Variants in ZNF766 observed in about 807,000 individuals in gnomAD.
ZNF766 encodes the protein zinc finger protein 766.
ZNF766 carries 13 observed loss-of-function variants against 13.2 expected under a neutral mutation model. That is an observed-to-expected ratio of 0.98 (90% CI 0.64 to 1.56). The LOEUF (loss-of-function observed/expected upper bound fraction) is 1.56, where lower values mean the gene tolerates loss of function less well. Ranked by LOEUF, ZNF766 falls within the 40% of genes most tolerant of loss-of-function variation. The pLI is 0.00. For synonymous variants in ZNF766, 178 were observed against 187.6 expected (o/e 0.95, Z 0.42); for missense variants, 521 against 552.2 (o/e 0.94, Z 0.57).
intron 1 of ZNF766, chr19:52,277,303 C>CA (rs1435385780): frequency 4.1e-6 from 4 of 964,886 alleles, no homozygotes; most frequent in Non-Finnish European, 5.8e-6. Flanking sequence ...ACTACGAATA[C>CA]AAAAAATTAC....
intron 1 of ZNF766, among the ~76,000 whole-genome samples, chr19:52,276,509 GT>G (rs976932930): frequency 2.0e-5 from 3 of 151,932 alleles, no homozygotes; most frequent in African/African-American, 7.3e-5. Flanking sequence ...GTTTTGTTTT[GT>G]TTTGTTTTTA....
Position 52,290,148 on chromosome 19 carries a change from A to G in ZNF766, c.357A>G (p.Pro119=), listed in dbSNP as rs761187196. Residue 119 remains proline, a synonymous_variant, in exon 4 of 4, where the codon CCA becomes CCG. Transcript: ENST00000439461. ...QLGLTFQLPL[P]ELEIFQGEGK... is the part of the protein sequence containing the mutation. ...GATTAACCTTTCAGTTACCTCTGCC[A>G]GAACTGGAGATATTTCAAGGTGAAG... 140 of 1,614,042 alleles carry G rather than the reference A, an allele frequency of 8.7e-5. No individual in the cohort carries two copies. The highest frequency in any genetic ancestry group is 1.7e-4 in the Admixed American group (10 of 60,004).
intron 2 of ZNF766, 192 bp downstream of exon 2, chr19:52,282,429 A>T: frequency 2.1e-6 from 1 of 484,450 alleles, no homozygotes; most frequent in Non-Finnish European, 3.5e-6. Flanking sequence ...TGAGGTCAGG[A>T]GTTCGAGACC....
Position 52,291,139 on chromosome 19 carries a change from C to T in ZNF766, c.1348C>T (p.His450Tyr). Reference sequence around the variant, plus strand: ...CCATGTGTGTGGTAAGGTCTTTAGGCACAGTTCATGGTTTGTACAGCATCA... The same window carrying T: ...CCATGTGTGTGGTAAGGTCTTTAGGTACAGTTCATGGTTTGTACAGCATCA... ...KCHVCGKVFR[H>Y]SSWFVQHQRS... The change falls in exon 4 of 4, where the codon CAC (histidine) becomes TAC (tyrosine). Residue 450 changes from histidine to tyrosine, a missense_variant. His to Tyr is a moderately conservative substitution (Grantham distance 83). Coordinates refer to ENST00000439461, the MANE Select transcript of ZNF766 (RefSeq NM_001010851.3). 6.2e-7 allele frequency: 1 copy of T among 1,612,278 alleles called. No homozygotes were observed. Among genetic ancestry groups the T allele is most frequent in the South Asian group, 1.1e-5 (1 of 90,788 alleles).
rs549674460 is a variant in ZNF766 at position 52,287,564 on chromosome 19, C to T, written c.275-2502C>T. 1.9e-3 allele frequency among the ~76,000 whole-genome samples: 286 copies of T among 152,312 alleles called. 2 individuals carry two copies. The highest frequency in any genetic ancestry group is 6.8e-3 in the Admixed American group (104 of 15,294). Reference sequence around the variant, plus strand: ...CAGATTTTGAGGATTGGTGTTAAATCTTTTTTCAATATTTGATAGAATTTT... The same window carrying T: ...CAGATTTTGAGGATTGGTGTTAAATTTTTTTTCAATATTTGATAGAATTTT... On this transcript the variant is annotated intron_variant, in intron 3 of 3. Coordinates refer to ENST00000439461, the MANE Select transcript of ZNF766 (RefSeq NM_001010851.3).
intron 1 of ZNF766, among the ~76,000 whole-genome samples, chr19:52,278,061 C>G (rs1981302319): frequency 6.6e-6 from 1 of 151,074 alleles, no homozygotes; most frequent in African/African-American, 2.4e-5. Context: ...CAACCTCTAC[C>G]TCCCAGGCTC....
rs1471081989 is a variant in ZNF766 at position 52,294,411 on chromosome 19, T to A, written c.*3213T>A. On this transcript the variant is annotated 3_prime_UTR_variant, in exon 4 of 4. Transcript: ENST00000439461. ...AGTTTGGTTTGGGTATTGAGAATGA[T>A]GATGCCATTCACTAATGTGATCTCA... 2 of 152,354 alleles carry A rather than the reference T, an allele frequency of 1.3e-5. No homozygotes were observed. The highest frequency in any genetic ancestry group is 3.4e-3 in the Middle Eastern group (1 of 294). The allele number at this position is 152,354 out of a possible 1,614,324, so 9.4% of individuals were successfully genotyped here. A position where few individuals can be genotyped will look rare whatever the true frequency, so the allele number is the denominator to read the frequency against.
chr19:52,288,216 T>G (rs980888913), intron 3 of ZNF766: 2 of 246,142 alleles, frequency 8.1e-6, no homozygotes, highest in African/African-American at 4.8e-5. Flanking sequence ...AGACGGGGCT[T>G]CACCTTGTTG....
At chr19:52,283,979 G>A (rs987152923) in intron 3 of ZNF766, among the ~76,000 whole-genome samples, 14 of 152,096 alleles carry the variant, frequency 9.2e-5, no homozygotes, top group African/African-American at 2.9e-4. Flanking sequence ...CTCGTGATCC[G>A]CCCGCCTTGG....
intron 1 of ZNF766, among the ~76,000 whole-genome samples, chr19:52,276,888 C>T (rs1281080680): frequency 6.6e-6 from 1 of 152,096 alleles, no homozygotes; most frequent in Non-Finnish European, 1.5e-5. Flanking sequence ...AGGTCTGTGC[C>T]CTGAAGGGGA....
At chr19:52,286,688 A>G (rs1302518883) in intron 3 of ZNF766, among the ~76,000 whole-genome samples, 1 of 152,152 alleles carries the variant, frequency 6.6e-6, no homozygotes, top group African/African-American at 2.4e-5. Context: ...ACATAGACTA[A>G]TGTTCCAAAG....
intron 3 of ZNF766, among the ~76,000 whole-genome samples, chr19:52,287,428 A>G (rs972766973): frequency 6.6e-6 from 1 of 152,244 alleles, no homozygotes; most frequent in African/African-American, 2.4e-5. Context: ...GGCGTGAGCC[A>G]CTACGCCCAG....
intron 1 of ZNF766, among the ~76,000 whole-genome samples, chr19:52,278,945 T>C (rs1448167936): frequency 6.6e-6 from 1 of 152,256 alleles, no homozygotes; most frequent in Non-Finnish European, 1.5e-5. Flanking sequence ...ATGAAATCTT[T>C]GCCCATTCCT....
intron 3 of ZNF766, among the ~76,000 whole-genome samples, chr19:52,283,913 T>C (rs1158023525): frequency 1.3e-5 from 2 of 152,172 alleles, no homozygotes; most frequent in African/African-American, 2.4e-5. Flanking sequence ...AATTTTTGTA[T>C]TTTTAGTACA....
intron 3 of ZNF766, among the ~76,000 whole-genome samples, chr19:52,289,826 C>T (rs573937628): frequency 5.7e-4 from 86 of 152,194 alleles, no homozygotes; most frequent in Admixed American, 1.9e-3. Context: ...CAGTGAAACC[C>T]CGTCTCTACT....
rs1343614049 is a variant in ZNF766 at position 52,272,228 on chromosome 19, C to G, written c.18+2597C>G. Among the ~76,000 whole-genome samples, 3 of 152,158 alleles carry G rather than the reference C, an allele frequency of 2.0e-5. No individual in the cohort carries two copies. In the East Asian group the frequency reaches 5.8e-4, roughly 29 times the overall value. ...CCACCATTCCTTTGATCCTTTTTTC[C>G]CAGAGGTACCAGTGATCTCTGTGTT... On this transcript the variant is annotated intron_variant, in intron 1 of 3. Coordinates refer to ENST00000439461, the MANE Select transcript of ZNF766 (RefSeq NM_001010851.3).
intron 3 of ZNF766, among the ~76,000 whole-genome samples, chr19:52,283,862 C>G (rs547636657): frequency 1.3e-5 from 2 of 152,298 alleles, no homozygotes; most frequent in South Asian, 2.1e-4. Context: ...CTCAACCTCC[C>G]AAGTAGCTGG....
intron 1 of ZNF766, among the ~76,000 whole-genome samples, chr19:52,272,024 C>G (rs76623257): frequency 0.017 from 2,513 of 143,806 alleles, 90 homozygotes; most frequent in African/African-American, 0.061. Context: ...CCTTCATTTT[C>G]TTGCCACTCC....
chr19:52,281,830 A>C (rs1238571727), intron 1 of ZNF766: 1 of 531,420 alleles, frequency 1.9e-6, no homozygotes, highest in South Asian at 1.4e-5. Context: ...CTGAGCTAGA[A>C]TACAAGTAGT....
Sources: gnomAD v4.1 joint callset for allele counts (sites outside exome capture counted in the v4.1 genomes callset) on GRCh38, gnomAD v4.1.1 for gene constraint, MANE v1.5 for transcripts, NCBI Gene and HGNC (gene_info 2026-07-23, HGNC 2026-07-21) for gene names.